Variants in DMD observed in about 807,000 individuals in gnomAD.
DMD encodes dystrophin, also known as mutant dystrophin.
Under a neutral mutation model 330.1 loss-of-function variants are expected in DMD, and 63 were observed. The observed-to-expected ratio is 0.19, with a 90% confidence interval of 0.16 to 0.24. DMD has a LOEUF of 0.24. Among genes scored for constraint, DMD ranks in the 10% least tolerant of loss-of-function variants. The probability of loss-of-function intolerance (pLI) is 1.00; values close to 1 mark genes in which losing one functional copy is unlikely to be tolerated. For synonymous variants in DMD, 1,223 were observed against 959.8 expected (o/e 1.27, Z -5.07); for missense variants, 3,344 against 2,684.1 (o/e 1.25, Z -5.43).
At chrX:31,729,153 A>G (rs1344121557) in intron 52 of DMD, among the ~76,000 whole-genome samples, 2 of 112,033 alleles carry the variant, frequency 1.8e-5, no homozygotes, top group African/African-American at 6.5e-5. Flanking sequence ...GTACAGTACG[A>G]TGATTTTTGA....
chrX:32,491,845 C>A (rs751963242), intron 19 of DMD, among the ~76,000 whole-genome samples: 1 of 111,731 alleles, frequency 9.0e-6, no homozygotes, highest in East Asian at 2.8e-4. Flanking sequence ...TGGAAGGCTG[C>A]ATGAACAAGT....
At chrX:31,169,718 G>T (rs1398361658) in intron 73 of DMD, 117 bp from the exon 74 acceptor site, 44 of 708,547 alleles carry the variant, frequency 6.2e-5, no homozygotes, top group Non-Finnish European at 8.6e-5. Flanking sequence ...CAATTAATTA[G>T]ACCTTTTTTC....
intron 55 of DMD, among the ~76,000 whole-genome samples, chrX:31,548,475 G>C (rs2074280134): frequency 9.0e-6 from 1 of 111,302 alleles, no homozygotes; most frequent in South Asian, 3.8e-4. Context: ...GAGGAATAGA[G>C]AGTGAAATTA....
intron 18 of DMD, among the ~76,000 whole-genome samples, chrX:32,515,523 T>C (rs745441117): frequency 4.0e-4 from 44 of 111,337 alleles, no homozygotes; most frequent in Non-Finnish European, 5.5e-4. Context: ...CCTTATCAAA[T>C]CCCCTTGTGA....
intron 60 of DMD, among the ~76,000 whole-genome samples, chrX:31,394,274 G>A (rs2060813102): frequency 8.9e-6 from 1 of 112,293 alleles, no homozygotes. Flanking sequence ...AGGTTTATGC[G>A]CACCAGAATC....
chrX:31,259,794 C>T (rs921556315), intron 63 of DMD, among the ~76,000 whole-genome samples: 2 of 111,083 alleles, frequency 1.8e-5, no homozygotes, highest in Admixed American at 9.6e-5. Context: ...TTGTGAGAAT[C>T]TATGACACAA....
intron 22 of DMD, among the ~76,000 whole-genome samples, chrX:32,469,504 C>T (rs1029752707): frequency 8.1e-5 from 9 of 110,821 alleles, no homozygotes; most frequent in African/African-American, 2.9e-4. Context: ...TGACCTATAT[C>T]AACCCAAAAT....
chrX:32,649,263 AG>A (rs930409151), intron 9 of DMD, among the ~76,000 whole-genome samples: 3 of 110,614 alleles, frequency 2.7e-5, no homozygotes, highest in African/African-American at 6.6e-5. Context: ...TCATTAAAAA[AG>A]GTGGAAGAGG....
chrX:31,476,731 T>C (rs2067813344), intron 59 of DMD, among the ~76,000 whole-genome samples: 1 of 111,170 alleles, frequency 9.0e-6, no homozygotes, highest in Non-Finnish European at 1.9e-5. Flanking sequence ...CATCCATTAA[T>C]TCACCAAATG....
chrX:32,149,264 C>T (rs2096793320), intron 44 of DMD, among the ~76,000 whole-genome samples: 1 of 111,607 alleles, frequency 9.0e-6, no homozygotes, highest in South Asian at 3.7e-4. Flanking sequence ...TTCTTCTATG[C>T]TTCAAGTTTC....
chrX:32,621,412 G>C (rs949307797), intron 11 of DMD, among the ~76,000 whole-genome samples: 1 of 110,708 alleles, frequency 9.0e-6, no homozygotes, highest in Non-Finnish European at 1.9e-5. Flanking sequence ...ATGTTCTATC[G>C]TGGTTTCATT....
intron 2 of DMD, among the ~76,000 whole-genome samples, chrX:32,999,014 G>A (rs5927122): frequency 0.037 from 4,087 of 111,932 alleles, 129 homozygotes; most frequent in East Asian, 0.2. Context: ...GTGAACCTTC[G>A]AAACAGAAGT....
chrX:31,222,935 C>A (rs1481188160), intron 64 of DMD, 112 bp downstream of exon 64: 2 of 642,782 alleles, frequency 3.1e-6, no homozygotes, highest in African/African-American at 2.2e-5. Context: ...TACATTGCAA[C>A]AGGAATTGTG....
chrX:32,528,589 G>A (rs1200003506), intron 17 of DMD, among the ~76,000 whole-genome samples: 1 of 111,379 alleles, frequency 9.0e-6, no homozygotes, highest in Non-Finnish European at 1.9e-5. Context: ...ACTGGTTCAG[G>A]CCAAGAAGGG....
intron 44 of DMD, among the ~76,000 whole-genome samples, chrX:32,013,403 T>C (rs1213726070): frequency 9.0e-6 from 1 of 111,684 alleles, no homozygotes; most frequent in Admixed American, 9.5e-5. Context: ...TTTCTTTTTA[T>C]AATAAATGCA....
chrX:32,688,018 C>T (rs2063005051), intron 9 of DMD, among the ~76,000 whole-genome samples: 1 of 111,122 alleles, frequency 9.0e-6, no homozygotes, highest in Non-Finnish European at 1.9e-5. Flanking sequence ...AAAGATATTC[C>T]TTAAGAGGCC....
At chrX:33,041,401 G>A (rs1184406029) in intron 1 of DMD, 2 of 1,193,448 alleles carry the variant, frequency 1.7e-6, no homozygotes, top group East Asian at 3.0e-5. Flanking sequence ...GACCATGGCC[G>A]ATCCTCGCGT....
At chrX:31,751,354 T>G (rs2088555182) in intron 51 of DMD, among the ~76,000 whole-genome samples, 1 of 111,635 alleles carries the variant, frequency 9.0e-6, no homozygotes, top group South Asian at 3.8e-4. Context: ...TTCTAACACT[T>G]ATTCCTTACT....
intron 2 of DMD, among the ~76,000 whole-genome samples, chrX:32,922,242 T>C (rs1037719288): frequency 9.0e-6 from 1 of 110,860 alleles, no homozygotes. Flanking sequence ...AAAATTCTTA[T>C]AATTTCCTTC....
Sources: allele counts gnomAD v4.1 joint callset (sites outside exome capture counted in the v4.1 genomes callset), GRCh38; gene constraint gnomAD v4.1.1; transcripts MANE v1.5; gene names NCBI Gene and HGNC (gene_info 2026-07-23, HGNC 2026-07-21).